Variants in DLG2 observed in about 807,000 individuals in gnomAD.
DLG2 encodes the protein discs large MAGUK scaffold protein 2.
DLG2 carries 45 observed loss-of-function variants against 132.5 expected under a neutral mutation model. That is an observed-to-expected ratio of 0.34 (90% CI 0.27 to 0.44). DLG2 has a LOEUF of 0.44. DLG2 is among the 20% of genes least tolerant of loss of function. The pLI is 1.00. For synonymous variants in DLG2, 424 were observed against 419.6 expected, an observed-to-expected ratio of 1.01 and a Z score of -0.13; for missense variants, 1,045 against 1,196.9, an observed-to-expected ratio of 0.87 and a Z score of 1.87.
chr11:85,488,340 G>C (rs952396390), intron 3 of DLG2, among the ~76,000 whole-genome samples: 2 of 151,450 alleles, frequency 1.3e-5, no homozygotes, highest in African/African-American at 4.9e-5. Flanking sequence ...AGTGAGCCGA[G>C]ATCGCACCAC....
intron 19 of DLG2, among the ~76,000 whole-genome samples, chr11:83,568,508 T>C (rs1228549165): frequency 6.6e-6 from 1 of 152,160 alleles, no homozygotes; most frequent in Non-Finnish European, 1.5e-5. Flanking sequence ...TGGAAATCAT[T>C]CAGTGAACTG....
At chr11:84,285,566 G>A (rs1309504791) in intron 7 of DLG2, among the ~76,000 whole-genome samples, 9 of 152,216 alleles carry the variant, frequency 5.9e-5, no homozygotes. Flanking sequence ...ATCGTAGGAG[G>A]CTTACCAGAT....
intron 3 of DLG2, among the ~76,000 whole-genome samples, chr11:85,519,455 T>G (rs1598208253): frequency 6.6e-6 from 1 of 152,286 alleles, no homozygotes; most frequent in Admixed American, 6.5e-5. Flanking sequence ...AGCCTCTTTG[T>G]TTTGGCCAAT....
intron 6 of DLG2, among the ~76,000 whole-genome samples, chr11:84,754,548 G>A (rs2066605816): frequency 6.6e-6 from 1 of 152,134 alleles, no homozygotes; most frequent in Non-Finnish European, 1.5e-5. Context: ...GGGAAGTTAA[G>A]TTCATGAGGA....
At chr11:83,789,877 A>C in intron 17 of DLG2, 3 of 569,186 alleles carry the variant, frequency 5.3e-6, no homozygotes, top group Non-Finnish European at 8.4e-6. Context: ...TAGTTATGGC[A>C]GCAAAAGATT....
At chr11:85,397,461 C>T (rs72951959) in intron 3 of DLG2, among the ~76,000 whole-genome samples, 4,200 of 152,076 alleles carry the variant, frequency 0.028, 99 homozygotes, top group East Asian at 0.097. Flanking sequence ...GCAAAATGCC[C>T]GATTTAAAAG....
chr11:84,614,524 T>C (rs1013891808), intron 6 of DLG2, among the ~76,000 whole-genome samples: 3 of 152,172 alleles, frequency 2.0e-5, no homozygotes, highest in Non-Finnish European at 4.4e-5. Flanking sequence ...AGGTTTTACA[T>C]AATAGAGAAA....
chr11:84,973,253 C>T (rs1249820347), intron 6 of DLG2, among the ~76,000 whole-genome samples: 2 of 152,214 alleles, frequency 1.3e-5, no homozygotes, highest in Admixed American at 1.3e-4. Context: ...GCCACCACGC[C>T]TGGCCTAAGC....
intron 6 of DLG2, among the ~76,000 whole-genome samples, chr11:84,699,156 A>G (rs771067677): frequency 7.3e-5 from 11 of 151,540 alleles, no homozygotes; most frequent in Non-Finnish European, 1.5e-4. Context: ...CTTCTTGGAA[A>G]AGTGCAAATG....
chr11:83,805,056 A>C (rs1384750187), intron 17 of DLG2, among the ~76,000 whole-genome samples: 2 of 152,122 alleles, frequency 1.3e-5, no homozygotes, highest in Non-Finnish European at 2.9e-5. Flanking sequence ...CCAGTGTGTA[A>C]TGAATGCTGT....
intron 3 of DLG2, among the ~76,000 whole-genome samples, chr11:85,351,052 T>G (rs1347254007): frequency 6.6e-6 from 1 of 152,244 alleles, no homozygotes; most frequent in Non-Finnish European, 1.5e-5. Flanking sequence ...GATGGAATTT[T>G]CTTCCATTTG....
At chr11:84,010,828 A>G (rs2094848997) in intron 11 of DLG2, among the ~76,000 whole-genome samples, 2 of 152,178 alleles carry the variant, frequency 1.3e-5, no homozygotes, top group African/African-American at 4.8e-5. Flanking sequence ...TTTGCACTAG[A>G]CAGTGGCTGC....
chr11:83,658,673 T>C (rs1257999451), intron 18 of DLG2, among the ~76,000 whole-genome samples: 1 of 152,248 alleles, frequency 6.6e-6, no homozygotes, highest in Non-Finnish European at 1.5e-5. Flanking sequence ...TTGAAAACAC[T>C]GCTTGAGCAA....
intron 6 of DLG2, among the ~76,000 whole-genome samples, chr11:84,834,306 T>A (rs948890): frequency 1.3e-5 from 2 of 151,470 alleles, no homozygotes; most frequent in Admixed American, 6.6e-5. Flanking sequence ...ACCTCACTTC[T>A]CAATCTCCAT....
At chr11:85,249,193 T>C (rs547823617) in intron 4 of DLG2, among the ~76,000 whole-genome samples, 64 of 152,144 alleles carry the variant, frequency 4.2e-4, no homozygotes, top group African/African-American at 1.5e-3. Flanking sequence ...TTTGGGATCA[T>C]GTGTAACTTT....
intron 5 of DLG2, among the ~76,000 whole-genome samples, chr11:85,134,044 G>C (rs1307187961): frequency 6.6e-6 from 1 of 152,068 alleles, no homozygotes; most frequent in African/African-American, 2.4e-5. Flanking sequence ...GTGAGGGAGA[G>C]TGAGGGAGAG....
At chr11:84,691,408 T>C (rs2058025037) in intron 6 of DLG2, among the ~76,000 whole-genome samples, 1 of 151,722 alleles carries the variant, frequency 6.6e-6, no homozygotes, top group Admixed American at 6.6e-5. Flanking sequence ...TTAAACTACC[T>C]ATGAAAATAT....
chr11:84,799,427 T>C (rs184657254), intron 6 of DLG2, among the ~76,000 whole-genome samples: 52 of 152,328 alleles, frequency 3.4e-4, no homozygotes, highest in African/African-American at 1.2e-3. Flanking sequence ...GAGGGGTGTC[T>C]TTCCCAGCCT....
chr11:84,204,092 G>A (rs2096633789), intron 8 of DLG2, among the ~76,000 whole-genome samples: 1 of 151,992 alleles, frequency 6.6e-6, no homozygotes, highest in African/African-American at 2.4e-5. Flanking sequence ...CGAATAGCTG[G>A]GATTACAGGT....
Sources: allele counts gnomAD v4.1 joint callset (sites outside exome capture counted in the v4.1 genomes callset), GRCh38; gene constraint gnomAD v4.1.1; transcripts MANE v1.5; gene names NCBI Gene and HGNC (gene_info 2026-07-23, HGNC 2026-07-21).